PRKCH: variants seen among roughly 807,000 people sequenced by gnomAD.
PRKCH encodes protein kinase C eta, also known as protein kinase C eta type.
A neutral mutation model predicts 82.5 loss-of-function variants in PRKCH; 28 were observed. The observed-to-expected ratio is 0.34, with a 90% CI of 0.25 to 0.47. The LOEUF (loss-of-function observed/expected upper bound fraction) is 0.47. PRKCH is among the 20% of genes least tolerant of loss of function. The probability of loss-of-function intolerance (pLI) is 1.00; values close to 1 mark genes in which losing one functional copy is unlikely to be tolerated. For synonymous variants in PRKCH, 322 were observed against 327.4 expected (o/e 0.98, Z 0.18); for missense variants, 705 against 881.8 (o/e 0.80, Z 2.54).
chr14:61,519,765 A>T (rs1014467189), intron 10 of PRKCH, among the ~76,000 whole-genome samples: 1 of 152,272 alleles, frequency 6.6e-6, no homozygotes, highest in Admixed American at 6.5e-5. Context: ...ATTCATTTTC[A>T]TACTTAAGTT....
At chr14:61,253,606 G>T (rs1285630214) in intron 1 of PRKCH, among the ~76,000 whole-genome samples, 6 of 152,202 alleles carry the variant, frequency 3.9e-5, no homozygotes, top group Non-Finnish European at 8.8e-5. Flanking sequence ...GCTCAAGTTT[G>T]CAGTGTCCTC....
chr14:61,339,351 TCTCA>T (rs1460572790), intron 1 of PRKCH, among the ~76,000 whole-genome samples: 3 of 149,544 alleles, frequency 2.0e-5, no homozygotes, highest in African/African-American at 2.5e-5. Context: ...CGAGACGGAG[TCTCA>T]CTCTGTCGCC....
intron 1 of PRKCH, among the ~76,000 whole-genome samples, chr14:61,366,203 T>G (rs2046295081): frequency 6.6e-6 from 1 of 152,046 alleles, no homozygotes; most frequent in African/African-American, 2.4e-5. Context: ...TCTTTGAAAA[T>G]TTAGGTTACT....
At position 61,457,299 on chromosome 14, in the gene PRKCH, G is replaced by C. The variant is rs879200507; in HGVS notation, c.1084G>C (p.Gly362Arg). Reference sequence around the variant, plus strand: ...CAACTTTGAGTTCATCCGAGTGTTGGGGAAGGGGAGTTTTGGGAAGGTGAG... The same window carrying C: ...CAACTTTGAGTTCATCCGAGTGTTGCGGAAGGGGAGTTTTGGGAAGGTGAG... ...IDNFEFIRVL[G>R]KGSFGKVMLA... The change falls in exon 8 of 14, where the codon GGG becomes CGG. Residue 362 changes from glycine to arginine, a missense_variant. Transcript: ENST00000332981. The C allele has an allele frequency of 6.2e-7, 1 of 1,614,178 alleles. No individual in the cohort carries two copies. Among genetic ancestry groups the C allele is most frequent in the Non-Finnish European group, 8.5e-7 (1 of 1,180,020 alleles).
chr14:61,330,030 A>G (rs1310192789), intron 1 of PRKCH, among the ~76,000 whole-genome samples: 1 of 152,244 alleles, frequency 6.6e-6, no homozygotes, highest in Non-Finnish European at 1.5e-5. Context: ...AGTACCAGGC[A>G]TTGTGCTCTA....
At chr14:61,486,720 G>A (rs1461698683) in intron 10 of PRKCH, among the ~76,000 whole-genome samples, 1 of 145,988 alleles carries the variant, frequency 6.8e-6, no homozygotes, top group South Asian at 2.1e-4. Flanking sequence ...TGCTATTTTG[G>A]CTAGGTCGGT....
chr14:61,461,332 A>G (rs1450086506), intron 9 of PRKCH, among the ~76,000 whole-genome samples: 4 of 152,178 alleles, frequency 2.6e-5, no homozygotes, highest in Non-Finnish European at 5.9e-5. Context: ...TTCTTGGAAT[A>G]GAGGAGTGGA....
chr14:61,325,841 A>G (rs1284296400), intron 1 of PRKCH, among the ~76,000 whole-genome samples: 1 of 152,234 alleles, frequency 6.6e-6, no homozygotes, highest in African/African-American at 2.4e-5. Flanking sequence ...CTTCATGCCA[A>G]ATAGCACATT....
intron 2 of PRKCH, among the ~76,000 whole-genome samples, chr14:61,412,486 ATCT>A (rs1882317974): frequency 1.3e-5 from 2 of 152,240 alleles, no homozygotes; most frequent in African/African-American, 4.8e-5. Context: ...GCTCCTACTT[ATCT>A]TCTCAGTGCT....
chr14:61,373,820 C>T (rs892433383), intron 1 of PRKCH, among the ~76,000 whole-genome samples: 2 of 152,020 alleles, frequency 1.3e-5, no homozygotes, highest in Non-Finnish European at 2.9e-5. Flanking sequence ...CCAGGCTGGT[C>T]GCAAACTTCT....
chr14:61,441,233 C>G (rs1883954379), intron 2 of PRKCH, among the ~76,000 whole-genome samples: 2 of 152,122 alleles, frequency 1.3e-5, no homozygotes, highest in African/African-American at 2.4e-5. Context: ...TGCGATGTGC[C>G]TAGCTTTGTG....
intron 1 of PRKCH, among the ~76,000 whole-genome samples, chr14:61,325,142 A>C (rs2045677063): frequency 6.6e-6 from 1 of 152,262 alleles, no homozygotes; most frequent in East Asian, 1.9e-4. Flanking sequence ...TGGAAATGTA[A>C]AGTACTGAGA....
chr14:61,266,112 C>G (rs186031786), intron 1 of PRKCH, among the ~76,000 whole-genome samples: 51 of 151,806 alleles, frequency 3.4e-4, no homozygotes, highest in African/African-American at 1.1e-3. Context: ...ACTACTGAAG[C>G]TTTTAGAAAA....
rs369062458 is a variant in PRKCH, at chr14:61,363,247, A to T, written c.364-27978A>T. Reference sequence around the variant, plus strand: ...GGCTTAGAGCATATGCTTCTAGCTGATGGGGAACTGTTGAAAAATTTTAAG... The same window carrying T: ...GGCTTAGAGCATATGCTTCTAGCTGTTGGGGAACTGTTGAAAAATTTTAAG... On this transcript the variant is annotated intron_variant, in intron 1 of 13. Transcript: ENST00000332981. Among the ~76,000 whole-genome samples the T allele has an allele frequency of 2.6e-5, 4 of 152,186 alleles. No homozygotes were observed. The East Asian group carries it at 5.8e-4, about 22-fold the overall frequency.
intron 1 of PRKCH, among the ~76,000 whole-genome samples, chr14:61,284,391 G>T (rs2045296926): frequency 6.6e-6 from 1 of 152,310 alleles, no homozygotes; most frequent in South Asian, 2.1e-4. Context: ...TGGATCAAAA[G>T]AAAAAGAAGA....
intron 1 of PRKCH, among the ~76,000 whole-genome samples, chr14:61,234,396 A>G (rs982013919): frequency 6.6e-6 from 1 of 152,114 alleles, no homozygotes; most frequent in Non-Finnish European, 1.5e-5. Flanking sequence ...CTCCCTTGGT[A>G]AGAATTGCAT....
At chr14:61,439,498 G>A (rs991295225) in intron 2 of PRKCH, among the ~76,000 whole-genome samples, 1 of 152,206 alleles carries the variant, frequency 6.6e-6, no homozygotes, top group African/African-American at 2.4e-5. Context: ...AAAGGGCAGA[G>A]TGAAGTTTGT....
At chr14:61,522,290 T>C (rs1018389545) in intron 10 of PRKCH, among the ~76,000 whole-genome samples, 1 of 152,216 alleles carries the variant, frequency 6.6e-6, no homozygotes, top group Non-Finnish European at 1.5e-5. Flanking sequence ...CTCCTCATGT[T>C]CATTCTCAAC....
intron 1 of PRKCH, among the ~76,000 whole-genome samples, chr14:61,290,270 C>T (rs533081301): frequency 4.7e-5 from 7 of 149,982 alleles, no homozygotes; most frequent in East Asian, 3.9e-4. Context: ...CCAGCCTGGG[C>T]GACAGAGAGA....
Sources: allele counts gnomAD v4.1 joint callset (sites outside exome capture counted in the v4.1 genomes callset), GRCh38; gene constraint gnomAD v4.1.1; transcripts MANE v1.5; gene names NCBI Gene and HGNC (gene_info 2026-07-23, HGNC 2026-07-21).